ZER1: variants seen among roughly 807,000 people sequenced by gnomAD.
ZER1 encodes protein zer-1 homolog.
A neutral mutation model predicts 78.8 loss-of-function variants in ZER1; 11 were observed. That is an observed-to-expected ratio of 0.14 (90% CI 0.09 to 0.23). ZER1 has a LOEUF of 0.23. Ranked by LOEUF, ZER1 falls within the 10% of genes least tolerant of loss-of-function variation. The pLI, the probability that ZER1 is intolerant of heterozygous loss-of-function variation, is 1.00. For synonymous variants in ZER1, 400 were observed against 407.0 expected (o/e 0.98, Z 0.21); for missense variants, 588 against 996.9 (o/e 0.59, Z 5.52).
At chr9:128,733,213 G>T in intron 15 of ZER1, 1 of 504,998 alleles carries the variant, frequency 2.0e-6, no homozygotes, top group African/African-American at 1.9e-5. Context: ...CTGATGCTCC[G>T]TTCCGAGCTT....
At chr9:128,741,749 C>T (rs1363046355) in intron 10 of ZER1, 51 bp downstream of exon 10, 4 of 1,614,090 alleles carry the variant, frequency 2.5e-6, no homozygotes, top group Non-Finnish European at 3.4e-6. Flanking sequence ...CAGCCCAGGC[C>T]CCTTGCGAGG....
chr9:128,737,432 T>G (rs535201209), intron 13 of ZER1, among the ~76,000 whole-genome samples: 1 of 152,168 alleles, frequency 6.6e-6, no homozygotes, highest in Admixed American at 6.6e-5. Context: ...CTGGCAACGC[T>G]ACCAATGTCA....
Position 128,754,087 on chromosome 9 carries a change from T to G in ZER1, c.159-128A>C. The G allele has an allele frequency of 9.1e-6, 11 of 1,203,626 alleles. No homozygotes were observed. Among genetic ancestry groups the G allele is most frequent in the Non-Finnish European group, 1.3e-5 (11 of 866,542 alleles). The allele number at this position is 1,203,626 out of a possible 1,614,324, so 74.6% of individuals were successfully genotyped here. Reference sequence around the variant, plus strand: ...AGTAGCAACCTCCTTCTCCTAAGAGTATCTGGTCAGATCCTGACTAAACTA... The same window carrying G: ...AGTAGCAACCTCCTTCTCCTAAGAGGATCTGGTCAGATCCTGACTAAACTA... On this transcript the variant is annotated intron_variant, in intron 2 of 15. Coordinates refer to ENST00000291900, the MANE Select transcript of ZER1 (RefSeq NM_006336.4). The surrounding 1 kb of genome is among the most constrained non-coding windows in gnomAD (Gnocchi z 4.3).
chr9:128,741,730 C>T (rs1863300153), intron 10 of ZER1, 70 bp downstream of exon 10: 1 of 1,614,012 alleles, frequency 6.2e-7, no homozygotes. Context: ...CACAGACCTC[C>T]CCCAGGGGCA....
chr9:128,770,927 T>C (rs959157901), intron 1 of ZER1, among the ~76,000 whole-genome samples: 2 of 152,170 alleles, frequency 1.3e-5, no homozygotes, highest in African/African-American at 4.8e-5. Flanking sequence ...TCCAGCACTT[T>C]TGGAGGCTGG....
At position 128,733,411 on chromosome 9, in the gene ZER1, C is replaced by G. The variant is rs1302879693; in HGVS notation, c.2243+15G>C. On this transcript the variant is annotated intron_variant, in intron 15 of 15. Transcript: ENST00000291900. The stretch of plus-strand genomic sequence containing the variant: ...AACCAAGGTTCCAGGCAGAAACACA[C>G]TGCTGGTCTCTTACCGGGCCATTTC... The G allele has an allele frequency of 6.2e-7, 1 of 1,612,764 alleles. No homozygotes were observed. Among genetic ancestry groups the G allele is most frequent in the South Asian group, 1.1e-5 (1 of 90,756 alleles).
chr9:128,736,229 C>T (rs1474742997), intron 13 of ZER1, among the ~76,000 whole-genome samples: 3 of 152,040 alleles, frequency 2.0e-5, no homozygotes, highest in Admixed American at 1.3e-4. Context: ...GGATTATAGG[C>T]GTGAGCCACC....
chr9:128,764,436 C>A (rs1589547402), intron 1 of ZER1, among the ~76,000 whole-genome samples: 1 of 152,186 alleles, frequency 6.6e-6, no homozygotes, highest in African/African-American at 2.4e-5. Context: ...GCCCAGTTAC[C>A]TAGGCAGCTG....
chr9:128,739,878 C>T, intron 13 of ZER1, 53 bp downstream of exon 13: 1 of 1,567,428 alleles, frequency 6.4e-7, no homozygotes, highest in Non-Finnish European at 8.7e-7. Context: ...GCATCCTGCC[C>T]AGCACTTACC....
chr9:128,766,575 G>A (rs1864215440), intron 1 of ZER1, among the ~76,000 whole-genome samples: 1 of 152,032 alleles, frequency 6.6e-6, no homozygotes, highest in African/African-American at 2.4e-5. Flanking sequence ...GCTGGGCACA[G>A]TGGCCTACGC....
At position 128,731,298 on chromosome 9, in the gene ZER1, T is replaced by C. The variant is rs763403598; in HGVS notation, c.*39A>G. On this transcript the variant is annotated 3_prime_UTR_variant, in exon 16 of 16. Transcript: ENST00000291900. The stretch of plus-strand genomic sequence containing the variant: ...TGCTTGAGCATGCTTCCTCCCCGCC[T>C]GTGGTCCAGAGCGGTGGCGGCCATG... 6.2e-7 allele frequency: 1 copy of C among 1,604,810 alleles called. No homozygotes were observed. Among genetic ancestry groups the C allele is most frequent in the Admixed American group, 1.7e-5 (1 of 59,788 alleles).
At chr9:128,735,754 T>G (rs1863045907) in intron 13 of ZER1, among the ~76,000 whole-genome samples, 1 of 103,794 alleles carries the variant, frequency 9.6e-6, no homozygotes, top group African/African-American at 3.7e-5. Flanking sequence ...GAAGCACGTG[T>G]GACCTGGTTT....
In ZER1 at chr9:128,771,586, A is replaced by G. The variant is rs573380203; in HGVS notation, c.-100T>C. On this transcript the variant is annotated 5_prime_UTR_variant, in exon 1 of 16. Coordinates refer to ENST00000291900, the MANE Select transcript of ZER1 (RefSeq NM_006336.4). Reference sequence around the variant, plus strand: ...GCCCGGGGTCCGGGACCTACCCTGGACGGGGCTGCCCTCAGCGTCGGGAAG... The same window carrying G: ...GCCCGGGGTCCGGGACCTACCCTGGGCGGGGCTGCCCTCAGCGTCGGGAAG... The G allele has an allele frequency of 1.3e-5, 2 of 152,356 alleles. No individual in the cohort carries two copies. Among genetic ancestry groups the G allele is most frequent in the Non-Finnish European group, 2.9e-5 (2 of 68,164 alleles). 9.4% of individuals were successfully genotyped at this position (152,356 alleles called of 1,614,324 possible).
intron 13 of ZER1, 68 bp from the exon 14 acceptor site, chr9:128,735,499 G>T (rs890650616): frequency 3.4e-5 from 50 of 1,469,364 alleles, no homozygotes; most frequent in Non-Finnish European, 4.3e-5. Flanking sequence ...CTTGTCTGAG[G>T]TTTCCTCCCA....
At chr9:128,731,486 G>A in intron 15 of ZER1, 92 bp from the exon 16 acceptor site, 8 of 1,024,570 alleles carry the variant, frequency 7.8e-6, no homozygotes, top group South Asian at 2.8e-5. Context: ...GGGTAAACAC[G>A]TGTTCATAGT....
rs1347171130 is a variant in ZER1 at position 128,736,152 on chromosome 9, G to A, written c.2043-721C>T. Among the ~76,000 whole-genome samples the A allele has an allele frequency of 2.6e-5, 4 of 151,818 alleles. No individual in the cohort carries two copies. The South Asian group carries it at 6.2e-4, about 24-fold the overall frequency. ...TTTTTAGTAGAGACGGGGTTTCACCGTGTTAGCCAGGATGGTCTCGATCTC... is the reference window on the plus strand; with the variant it reads ...TTTTTAGTAGAGACGGGGTTTCACCATGTTAGCCAGGATGGTCTCGATCTC... On this transcript the variant is annotated intron_variant, in intron 13 of 15. Transcript: ENST00000291900.
intron 1 of ZER1, among the ~76,000 whole-genome samples, chr9:128,756,307 G>T (rs528337442): frequency 6.6e-6 from 1 of 152,146 alleles, no homozygotes; most frequent in African/African-American, 2.4e-5. Context: ...TTAGCCGGGC[G>T]TGGTGGCGGG....
chr9:128,734,922 C>T (rs1174161418), intron 14 of ZER1, among the ~76,000 whole-genome samples: 1 of 151,264 alleles, frequency 6.6e-6, no homozygotes, highest in Non-Finnish European at 1.5e-5. Context: ...CTATGTTGCT[C>T]AGGCCGGAGT....
At chr9:128,738,068 G>A (rs577980213) in intron 13 of ZER1, among the ~76,000 whole-genome samples, 8 of 143,646 alleles carry the variant, frequency 5.6e-5, no homozygotes, top group South Asian at 2.2e-4. Context: ...TTTTTGAGAC[G>A]GAGTCTCGCT....
Sources: gnomAD v4.1 joint callset for allele counts (sites outside exome capture counted in the v4.1 genomes callset) on GRCh38, gnomAD v4.1.1 for gene constraint, Gnocchi (gnomAD v3.1) non-coding constraint, MANE v1.5 for transcripts, NCBI Gene and HGNC (gene_info 2026-07-23, HGNC 2026-07-21) for gene names.